Variants in NMNAT1 observed in about 807,000 individuals in gnomAD.
NMNAT1 encodes the protein nicotinamide/nicotinic acid mononucleotide adenylyltransferase 1.
NMNAT1 carries 11 observed loss-of-function variants against 16.7 expected under a neutral mutation model. The observed-to-expected ratio is 0.66, with a 90% confidence interval of 0.41 to 1.09. The LOEUF is 1.09. Among genes scored for constraint, NMNAT1 ranks in the 50% least tolerant of loss-of-function variants. The pLI, the probability that NMNAT1 is intolerant of heterozygous loss-of-function variation, is 0.00. For synonymous variants in NMNAT1, 110 were observed against 119.8 expected, an observed-to-expected ratio of 0.92 and a Z score of 0.53; for missense variants, 280 against 332.3, an observed-to-expected ratio of 0.84 and a Z score of 1.22.
rs34585788 is a variant in NMNAT1 at position 9,953,797 on chromosome 1, C to CT, written c.-57+10308dup. ...GTTTTTGCTGAAATCATATATCACT[C>CT]TTTTTTTTTTTTTTTTTTTTTTTTT... On this transcript the variant is annotated intron_variant, in intron 1 of 4. Transcript: ENST00000377205. Among the ~76,000 whole-genome samples, 221 of 60,182 alleles carry CT rather than the reference C, an allele frequency of 3.7e-3. 27 individuals carry two copies. Among genetic ancestry groups the CT allele is most frequent in the African/African-American group, 9.5e-3 (183 of 19,342 alleles). The allele number at this position is 60,182 out of a possible 152,430, so 39.5% of individuals were successfully genotyped here. A position where few individuals can be genotyped will look rare whatever the true frequency, so the allele number is the denominator to read the frequency against.
At chr1:9,986,921 G>A (rs774537219), downstream of NMNAT1, among the ~76,000 whole-genome samples, 1 of 152,092 alleles carries the variant, frequency 6.6e-6, no homozygotes, top group Non-Finnish European at 1.5e-5. Flanking sequence ...CTCAGCCTGG[G>A]CACAGTGGCT....
At chr1:9,967,851 C>CT (rs1641586538) in intron 1 of NMNAT1, among the ~76,000 whole-genome samples, 5 of 151,856 alleles carry the variant, frequency 3.3e-5, no homozygotes, top group Admixed American at 2.6e-4. Flanking sequence ...CAGTGCATGC[C>CT]TGTAGTCCCA....
chr1:9,962,496 AT>A (rs1369124570), intron 1 of NMNAT1, among the ~76,000 whole-genome samples: 3 of 150,168 alleles, frequency 2.0e-5, no homozygotes, highest in East Asian at 2.0e-4. Flanking sequence ...AAAAAAAAAA[AT>A]AACAGCTACC....
intron 1 of NMNAT1, among the ~76,000 whole-genome samples, chr1:9,958,787 T>C (rs934932517): frequency 5.9e-5 from 9 of 152,154 alleles, no homozygotes; most frequent in African/African-American, 2.2e-4. Flanking sequence ...TCCTTTATCA[T>C]GACTGTAAAT....
intron 1 of NMNAT1, among the ~76,000 whole-genome samples, chr1:9,962,677 G>GTT (rs34747915): frequency 0.053 from 3,933 of 74,200 alleles, 324 homozygotes; most frequent in Middle Eastern, 0.1. Context: ...CCAAATAAGG[G>GTT]TTTTTTTTTT....
At chr1:9,947,185 C>T (rs1362897261) in intron 1 of NMNAT1, 1 of 152,310 alleles carries the variant, frequency 6.6e-6, no homozygotes, top group East Asian at 1.9e-4. Flanking sequence ...CCATAGACAT[C>T]TTTCTCTTCT....
At chr1:9,991,725 A>G in the NMNAT1 span, among the ~76,000 whole-genome samples, 1 of 152,182 alleles carries the variant, frequency 6.6e-6, no homozygotes. Flanking sequence ...TAAAAAAGAA[A>G]AAAGATAATT....
intron 1 of NMNAT1, among the ~76,000 whole-genome samples, chr1:9,960,255 A>T (rs1387615720): frequency 6.6e-6 from 1 of 152,098 alleles, no homozygotes; most frequent in Non-Finnish European, 1.5e-5. Flanking sequence ...ACTGTACTGC[A>T]GCCTAGGCAA....
chr1:9,982,036 TATTTTTAGTAG>T (rs766808748), intron 4 of NMNAT1, among the ~76,000 whole-genome samples: 5 of 152,170 alleles, frequency 3.3e-5, no homozygotes, highest in Non-Finnish European at 7.4e-5. Flanking sequence ...GCTAATTTTG[TATTTTTAGTAG>T]AAACGGTATT....
At position 9,980,847 on chromosome 1, in the gene NMNAT1, G is replaced by A. The variant is rs554984561; in HGVS notation, c.300-184G>A. On this transcript the variant is annotated intron_variant, in intron 3 of 4. Coordinates refer to ENST00000377205, the MANE Select transcript of NMNAT1 (RefSeq NM_022787.4). ...AATTTTTTGTATTTTTAGTAGAGAC[G>A]GGGTTTCACCGTGTTAGCCAGGATG... Among the ~76,000 whole-genome samples the A allele has an allele frequency of 6.6e-5, 10 of 151,492 alleles. No individual in the cohort carries two copies. The South Asian group carries it at 1.3e-3, about 19-fold the overall frequency.
intron 1 of NMNAT1, chr1:9,967,296 TGAAG>T (rs922814234): frequency 6.5e-6 from 1 of 153,924 alleles, no homozygotes; most frequent in African/African-American, 2.4e-5. Context: ...CATTAATAAT[TGAAG>T]GAAGAATAAC....
chr1:9,986,084 C>A (rs1007198883), downstream of NMNAT1, among the ~76,000 whole-genome samples: 1 of 152,144 alleles, frequency 6.6e-6, no homozygotes, highest in Admixed American at 6.6e-5. Flanking sequence ...AATTCAGATC[C>A]ATTTCTCCCT....
chr1:9,955,264 C>T (rs1371403288), intron 1 of NMNAT1, among the ~76,000 whole-genome samples: 3 of 151,380 alleles, frequency 2.0e-5, no homozygotes, highest in African/African-American at 4.9e-5. Flanking sequence ...ATTAGCTGGG[C>T]GTGGTGGTAT....
chr1:9,987,304 G>A (rs1196134503), downstream of NMNAT1, among the ~76,000 whole-genome samples: 1 of 152,126 alleles, frequency 6.6e-6, no homozygotes, highest in Non-Finnish European at 1.5e-5. Flanking sequence ...AGCCCAGCAT[G>A]AGCAACAGAG....
At chr1:9,953,916 C>T (rs1439923802) in intron 1 of NMNAT1, among the ~76,000 whole-genome samples, 1 of 149,460 alleles carries the variant, frequency 6.7e-6, no homozygotes. Context: ...AGCGATCCTC[C>T]TGCCACAGTC....
chr1:9,982,295 T>A lies in NMNAT1; in HGVS notation c.440-6T>A, dbSNP rs1352785945. On this transcript the variant is annotated splice_region_variant and splice_polypyrimidine_tract_variant and intron_variant, in intron 4 of 4. Coordinates refer to ENST00000377205, the MANE Select transcript of NMNAT1 (RefSeq NM_022787.4). ...ATACCCCAAAGCTCTGTTTTATTCTTCCCAGCTGTGCCAAAGGTCAAGCTG... is the reference window on the plus strand; with the variant it reads ...ATACCCCAAAGCTCTGTTTTATTCTACCCAGCTGTGCCAAAGGTCAAGCTG... The A allele has an allele frequency of 1.9e-6, 3 of 1,606,484 alleles. No individual in the cohort carries two copies. Among genetic ancestry groups the A allele is most frequent in the Non-Finnish European group, 2.6e-6 (3 of 1,175,648 alleles).
intron 1 of NMNAT1, among the ~76,000 whole-genome samples, chr1:9,953,800 T>C (rs1641178717): frequency 4.3e-5 from 1 of 23,388 alleles, no homozygotes; most frequent in African/African-American, 6.4e-5. Flanking sequence ...TATCACTCTT[T>C]TTTTTTTTTT....
At chr1:9,963,792 C>G (rs1641480768) in intron 1 of NMNAT1, among the ~76,000 whole-genome samples, 1 of 152,238 alleles carries the variant, frequency 6.6e-6, no homozygotes, top group East Asian at 1.9e-4. Flanking sequence ...ACTGGAAAAA[C>G]TGAATTAACT....
At chr1:9,957,996 C>T (rs1313556607) in intron 1 of NMNAT1, among the ~76,000 whole-genome samples, 1 of 152,142 alleles carries the variant, frequency 6.6e-6, no homozygotes, top group Non-Finnish European at 1.5e-5. Flanking sequence ...CCCTCATTGT[C>T]TCCTATTTAA....
Sources: gnomAD v4.1 joint callset for allele counts (sites outside exome capture counted in the v4.1 genomes callset) on GRCh38, gnomAD v4.1.1 for gene constraint, MANE v1.5 for transcripts, NCBI Gene and HGNC (gene_info 2026-07-23, HGNC 2026-07-21) for gene names.